Variants in MACF1 observed in about 807,000 individuals in gnomAD.
MACF1 encodes microtubule actin crosslinking factor 1, also known as microtubule-actin cross-linking factor 1.
Under a neutral mutation model 854.8 loss-of-function variants are expected in MACF1, and 193 were observed. That is an observed-to-expected ratio of 0.23 (90% CI 0.20 to 0.25). MACF1 has a LOEUF of 0.25. Among genes scored for constraint, MACF1 ranks in the 10% least tolerant of loss-of-function variants. The probability of loss-of-function intolerance (pLI) is 1.00; values close to 1 mark genes in which losing one functional copy is unlikely to be tolerated. For synonymous variants in MACF1, 3,185 were observed against 3,226.7 expected (o/e 0.99, Z 0.44); for missense variants, 7,722 against 8,929.1 (o/e 0.86, Z 5.45).
At chr1:39,329,210 A>C (rs1646672062) in intron 36 of MACF1, among the ~76,000 whole-genome samples, 1 of 152,206 alleles carries the variant, frequency 6.6e-6, no homozygotes, top group African/African-American at 2.4e-5. Flanking sequence ...AATACTTTAA[A>C]TAGTGTAGAG....
intron 2 of MACF1, among the ~76,000 whole-genome samples, chr1:39,191,807 C>CA (rs1218987405): frequency 1.3e-5 from 2 of 152,184 alleles, no homozygotes; most frequent in Non-Finnish European, 2.9e-5. Flanking sequence ...GAATTCATTA[C>CA]AACTCTGAGT....
chr1:39,323,879 G>A (rs1179019760), intron 33 of MACF1, among the ~76,000 whole-genome samples: 1 of 152,112 alleles, frequency 6.6e-6, no homozygotes, highest in Non-Finnish European at 1.5e-5. Context: ...TAAGAATTAT[G>A]AAAATGAGTA....
chr1:39,270,439 A>C (rs982489263), intron 6 of MACF1, among the ~76,000 whole-genome samples: 2 of 152,094 alleles, frequency 1.3e-5, no homozygotes, highest in African/African-American at 4.8e-5. Flanking sequence ...GTTTTGAGGA[A>C]TATATTGAGG....
rs762841673 is a variant in MACF1 at position 39,453,722 on chromosome 1, G to A, written c.20758G>A (p.Val6920Ile). The change falls in exon 88 of 101, where the codon GTA (valine) becomes ATA (isoleucine). Residue 6920 changes from valine to isoleucine, a missense_variant. This residue lies in a region of MACF1 where 729 missense variants were observed against 900.5 expected (regional missense o/e 0.81). Coordinates refer to ENST00000564288, the MANE Select transcript of MACF1 (RefSeq NM_001394062.1). ...TTTTGTTTAGGAATTCATGAAGAAAGTAGAAGAAAAGCGAGTGGACGTTAA... is the reference window on the plus strand; with the variant it reads ...TTTTGTTTAGGAATTCATGAAGAAAATAGAAGAAAAGCGAGTGGACGTTAA... ...IDTHKEFMKK[V>I]EEKRVDVNSA... The A allele has an allele frequency of 6.2e-7, 1 of 1,614,140 alleles. No homozygotes were observed. Among genetic ancestry groups the A allele is most frequent in the Non-Finnish European group, 8.5e-7 (1 of 1,179,978 alleles).
chr1:39,124,835 A>C (rs1642818722), intron 2 of MACF1, among the ~76,000 whole-genome samples: 1 of 152,248 alleles, frequency 6.6e-6, no homozygotes, highest in Non-Finnish European at 1.5e-5. Context: ...GAAGAAACAG[A>C]ACAAACAGGT....
chr1:39,308,156 G>A (rs1469387943), intron 23 of MACF1, among the ~76,000 whole-genome samples: 7 of 151,018 alleles, frequency 4.6e-5, no homozygotes, highest in South Asian at 2.1e-4. Flanking sequence ...TGCCCTCCTC[G>A]GCCTCCCAAA....
intron 2 of MACF1, among the ~76,000 whole-genome samples, chr1:39,169,155 C>G (rs1394671833): frequency 1.3e-5 from 2 of 152,200 alleles, no homozygotes; most frequent in Non-Finnish European, 2.9e-5. Context: ...TTCCATGACT[C>G]TAGTCCAGTC....
At position 39,147,111 on chromosome 1, in the gene MACF1, CCTT is replaced by C. The variant is rs139452484; in HGVS notation, c.220+62677_220+62679del. 7.1e-3 allele frequency among the ~76,000 whole-genome samples: 1,076 copies of C among 150,686 alleles called. 11 individuals carry two copies. Among genetic ancestry groups the C allele is most frequent in the African/African-American group, 0.025 (1,017 of 40,926 alleles). Reference sequence around the variant, plus strand: ...CTCCTCCTCCCCTTCCTCCCTCCCTCCTTCTTTTCTTCTTTTCCCTTTCCTTTC... The same window carrying C: ...CTCCTCCTCCCCTTCCTCCCTCCCTCCTTTTCTTCTTTTCCCTTTCCTTTC... On this transcript the variant is annotated intron_variant, in intron 2 of 93. Transcript: ENST00000361689.
rs564889476 is a variant in MACF1, at chr1:39,116,783, A to G, written c.220+32345A>G. On this transcript the variant is annotated intron_variant, in intron 2 of 93. Transcript: ENST00000361689. Reference sequence around the variant, plus strand: ...TGGACAGGACATCTTGACTCTTGACATAGAGAGAGGCTTTCCTCACTTGTG... The same window carrying G: ...TGGACAGGACATCTTGACTCTTGACGTAGAGAGAGGCTTTCCTCACTTGTG... Among the ~76,000 whole-genome samples, 23 of 152,312 alleles carry G rather than the reference A, an allele frequency of 1.5e-4. No homozygotes were observed. In the South Asian group the frequency reaches 4.8e-3, roughly 32 times the overall value.
chr1:39,222,718 G>A (rs1274509866), intron 1 of MACF1, among the ~76,000 whole-genome samples: 1 of 152,140 alleles, frequency 6.6e-6, no homozygotes, highest in Non-Finnish European at 1.5e-5. Context: ...TAAACTTCAT[G>A]CGGTCACAAA....
At position 39,477,129 on chromosome 1, in the gene MACF1, T is replaced by TACACACACACAC. The variant is rs1271205887; in HGVS notation, c.21959-2668_21959-2667insCACACACACACA. 1.4e-3 allele frequency among the ~76,000 whole-genome samples: 42 copies of TACACACACACAC among 30,332 alleles called. 2 individuals are homozygous for TACACACACACAC. The highest frequency in any genetic ancestry group is 9.5e-3 in the South Asian group (6 of 632). The allele number at this position is 30,332 out of a possible 152,430, so 19.9% of individuals were successfully genotyped here. On this transcript the variant is annotated intron_variant, in intron 97 of 100. Transcript: ENST00000564288. ...TATATACACTTAGTGTATATATATA[T>TACACACACACAC]ATATATACACACACACACACACACA... is the stretch of plus-strand genomic sequence containing the variant.
In MACF1 at chr1:39,439,487, T is replaced by C. The variant is rs1644054838; in HGVS notation, c.18434T>C (p.Val6145Ala). The change falls in exon 72 of 101, where the codon GTT (valine) becomes GCT (alanine). Residue 6145 changes from valine (V) to alanine (A), a missense_variant. Coordinates refer to ENST00000564288, the MANE Select transcript of MACF1 (RefSeq NM_001394062.1). ...GATCCTTCCATCATCAAACAACAGGTTGAAGCTGCTGAGGTAAGAAGGAAA... is the reference window on the plus strand; with the variant it reads ...GATCCTTCCATCATCAAACAACAGGCTGAAGCTGCTGAGGTAAGAAGGAAA... ...GIDPSIIKQQVEAAETIKEET... is the reference protein window; with the variant it reads ...GIDPSIIKQQAEAAETIKEET... 6.2e-7 allele frequency: 1 copy of C among 1,613,934 alleles called. No individual in the cohort carries two copies. Among genetic ancestry groups the C allele is most frequent in the Non-Finnish European group, 8.5e-7 (1 of 1,179,818 alleles).
chr1:39,259,258 C>A (rs1451380185), intron 6 of MACF1, among the ~76,000 whole-genome samples: 1 of 152,164 alleles, frequency 6.6e-6, no homozygotes, highest in Non-Finnish European at 1.5e-5. Context: ...CTATTCACCC[C>A]AACTACTACA....
In MACF1 at chr1:39,442,925, C is replaced by T. The variant is rs1258380529; in HGVS notation, c.19302+14C>T. The T allele has an allele frequency of 6.2e-7, 1 of 1,610,088 alleles. No homozygotes were observed. The highest frequency in any genetic ancestry group is 8.5e-7 in the Non-Finnish European group (1 of 1,178,008). Reference sequence around the variant, plus strand: ...ACTCTGCAGCAGGTACATGTGACATCCAAGTAAGGTAGGAAGAGCTATACA... The same window carrying T: ...ACTCTGCAGCAGGTACATGTGACATTCAAGTAAGGTAGGAAGAGCTATACA... On this transcript the variant is annotated intron_variant, in intron 78 of 100. Coordinates refer to ENST00000564288, the MANE Select transcript of MACF1 (RefSeq NM_001394062.1).
chr1:39,241,024 A>G (rs1265020475), intron 2 of MACF1, among the ~76,000 whole-genome samples: 1 of 151,990 alleles, frequency 6.6e-6, no homozygotes, highest in African/African-American at 2.4e-5. Flanking sequence ...TTTCCAGAGT[A>G]AAGAAGTCTA....
intron 20 of MACF1, among the ~76,000 whole-genome samples, chr1:39,297,000 T>C (rs1308955740): frequency 6.6e-6 from 1 of 151,956 alleles, no homozygotes; most frequent in African/African-American, 2.4e-5. Flanking sequence ...CTCTGCTCAC[T>C]GCAAACTCCG....
Position 39,283,015 on chromosome 1 carries a change from T to A in MACF1, c.696-174T>A, listed in dbSNP as rs560321982. The A allele has an allele frequency of 7.1e-6, 4 of 566,350 alleles. No individual in the cohort carries two copies. The highest frequency in any genetic ancestry group is 1.3e-5 in the Non-Finnish European group (4 of 319,602). 35.1% of individuals were successfully genotyped at this position (566,350 alleles called of 1,614,324 possible). On this transcript the variant is annotated intron_variant, in intron 7 of 100. Transcript: ENST00000564288. The surrounding 1 kb of genome is among the most constrained non-coding windows in gnomAD (Gnocchi z 4.5). Reference sequence around the variant, plus strand: ...GTTTAAGTTTAGCATTAGGGAGCACTGGGCCCCTGGTGTATACTTAAAAAT... The same window carrying A: ...GTTTAAGTTTAGCATTAGGGAGCACAGGGCCCCTGGTGTATACTTAAAAAT...
intron 26 of MACF1, among the ~76,000 whole-genome samples, chr1:39,314,901 T>C (rs1240709241): frequency 6.6e-6 from 1 of 152,236 alleles, no homozygotes; most frequent in Non-Finnish European, 1.5e-5. Flanking sequence ...CAGAAATTGC[T>C]TGTGTGTGTT....
chr1:39,084,445 G>C lies in MACF1; in HGVS notation c.220+7G>C. 1.2e-6 allele frequency: 2 copies of C among 1,604,680 alleles called. No homozygotes were observed. The highest frequency in any genetic ancestry group is 1.7e-6 in the Non-Finnish European group (2 of 1,178,890). On this transcript the variant is annotated splice_region_variant and intron_variant, in intron 2 of 93. Transcript: ENST00000361689. This position sits in a 1 kb window ranked among gnomAD's most constrained non-coding sequence, Gnocchi z 5.2. ...GCTGTGGTCAGAGTCGCTGGTAAGA[G>C]AGGTCCCCCAGCAGGCTGGACGCTG...
Sources: allele counts gnomAD v4.1 joint callset (sites outside exome capture counted in the v4.1 genomes callset), GRCh38; gene constraint gnomAD v4.1.1; regional missense constraint gnomAD v4.1.1; non-coding constraint Gnocchi (gnomAD v3.1); transcripts MANE v1.5; gene names NCBI Gene and HGNC (gene_info 2026-07-23, HGNC 2026-07-21).